Variants in VWA5B1 observed in about 807,000 individuals in gnomAD.
VWA5B1 encodes von Willebrand factor A domain-containing protein 5B1.
VWA5B1 carries 115 observed loss-of-function variants against 118.2 expected under a neutral mutation model. That is an observed-to-expected ratio of 0.97 (90% confidence interval 0.84 to 1.14). VWA5B1 has a LOEUF of 1.14. Among genes scored for constraint, VWA5B1 ranks in the 50% most tolerant of loss-of-function variants. The pLI is 0.00. For missense variants in VWA5B1, 1,596 were observed against 1,603.8 expected (o/e 1.00, Z 0.08); for synonymous variants, 682 against 658.4 (o/e 1.04, Z -0.55).
intron 19 of VWA5B1, 45 bp from the exon 20 acceptor site, chr1:20,350,812 G>A (rs773640494): frequency 4.9e-5 from 76 of 1,535,420 alleles, no homozygotes; most frequent in Admixed American, 2.5e-4. Flanking sequence ...GCAGTTGGAC[G>A]GGGTCATCTT....
Position 20,337,626 on chromosome 1 carries a change from C to T in VWA5B1, c.1943-20C>T. On this transcript the variant is annotated intron_variant, in intron 13 of 21. Coordinates refer to ENST00000289815, the MANE Select transcript of VWA5B1 (RefSeq NM_001039500.3). ...CCTGCTGTCCCACTCTGATGGTTCC[C>T]CATCACTATCCCTGTCCAGATCTGA... 6.5e-7 allele frequency: 1 copy of T among 1,538,460 alleles called. No homozygotes were observed. The highest frequency in any genetic ancestry group is 8.8e-7 in the Non-Finnish European group (1 of 1,137,756).
At chr1:20,295,869 G>A (rs897131581) in intron 1 of VWA5B1, among the ~76,000 whole-genome samples, 2 of 152,140 alleles carry the variant, frequency 1.3e-5, no homozygotes, top group Non-Finnish European at 2.9e-5. Flanking sequence ...GTTGTAGGTT[G>A]TTTGGTTTGT....
chr1:20,295,205 T>C (rs1382419600), intron 1 of VWA5B1, among the ~76,000 whole-genome samples: 3 of 151,976 alleles, frequency 2.0e-5, no homozygotes, highest in Non-Finnish European at 2.9e-5. Flanking sequence ...GGGAGGAACG[T>C]AAACAAGGGT....
At chr1:20,332,549 T>TAAAATAAAATAAAAA (rs1557427550) in intron 11 of VWA5B1, among the ~76,000 whole-genome samples, 1 of 146,956 alleles carries the variant, frequency 6.8e-6, no homozygotes, top group African/African-American at 2.5e-5. Flanking sequence ...TAAAATAAAA[T>TAAAATAAAATAAAAA]GCTAAGCTTA....
rs61743984 is a variant in VWA5B1, at chr1:20,312,852, C to T, written c.156C>T (p.Pro52=). The change falls in exon 3 of 22, where the codon CCC becomes CCT. Residue 52 remains proline (P), a synonymous_variant. Coordinates refer to ENST00000289815, the MANE Select transcript of VWA5B1 (RefSeq NM_001039500.3). ...AQPFQGLFVY[P]LDECTTVIGF... is the part of the protein sequence containing the mutation. ...CTCCGACAGGCCTCTTCGTGTACCC[C>T]CTGGATGAGTGCACCACGGTGATCG... 1.3e-6 allele frequency: 2 copies of T among 1,551,080 alleles called. No homozygotes were observed. Among genetic ancestry groups the T allele is most frequent in the Non-Finnish European group, 1.7e-6 (2 of 1,146,682 alleles).
chr1:20,343,226 G>T lies in VWA5B1; in HGVS notation c.2459G>T (p.Ser820Ile), dbSNP rs1311731131. The T allele has an allele frequency of 6.5e-7, 1 of 1,549,420 alleles. No individual in the cohort carries two copies. The highest frequency in any genetic ancestry group is 2.4e-5 in the East Asian group (1 of 40,870). Reference protein sequence around the residue: ...GKALVKGLHDSQRLQWEVSFE... With the variant: ...GKALVKGLHDIQRLQWEVSFE... Reference sequence around the variant, plus strand: ...GCCCTGGTCAAAGGCCTGCACGACAGCCAACGCCTGCAGTGGGAGGTGAGC... The same window carrying T: ...GCCCTGGTCAAAGGCCTGCACGACATCCAACGCCTGCAGTGGGAGGTGAGC... The change falls in exon 16 of 22, where the codon AGC (serine) becomes ATC (isoleucine). Residue 820 changes from serine to isoleucine, a missense_variant. By Grantham distance (142) the Ser-to-Ile change is moderately radical (BLOSUM62 -2). Transcript: ENST00000289815.
rs371361331 is a variant in VWA5B1, at chr1:20,323,404, G to A, written c.1015G>A (p.Val339Ile). 2.7e-5 allele frequency: 41 copies of A among 1,527,746 alleles called. No individual in the cohort carries two copies. Among genetic ancestry groups the A allele is most frequent in the Non-Finnish European group, 3.6e-5 (41 of 1,136,470 alleles). 94.6% of individuals were successfully genotyped at this position (1,527,746 alleles called of 1,614,324 possible). Reference protein sequence around the residue: ...RLHKDIPHHSVIMLNFCPDLQ... With the variant: ...RLHKDIPHHSIIMLNFCPDLQ... ...CCACAAAGACATTCCCCACCACTCC[G>A]TCATCATGCTCAACTTCTGTCCCGA... Residue 339 changes from valine to isoleucine, a missense_variant, in exon 8 of 22, where the codon GTC becomes ATC. Physicochemically the swap from Val to Ile is conservative, Grantham distance 29. Coordinates refer to ENST00000289815, the MANE Select transcript of VWA5B1 (RefSeq NM_001039500.3).
chr1:20,330,447 C>G, intron 10 of VWA5B1, 65 bp downstream of exon 10: 1 of 1,529,094 alleles, frequency 6.5e-7, no homozygotes, highest in Non-Finnish European at 8.9e-7. Context: ...CGCCAGAGCC[C>G]AAGGGCAATG....
intron 8 of VWA5B1, among the ~76,000 whole-genome samples, chr1:20,324,900 T>C (rs1056093825): frequency 1.3e-5 from 2 of 152,192 alleles, no homozygotes; most frequent in African/African-American, 2.4e-5. Context: ...GAGGCAAACA[T>C]TGGAATGAGA....
intron 18 of VWA5B1, 29 bp from the exon 19 acceptor site, chr1:20,350,127 G>A (rs980664480): frequency 1.9e-6 from 3 of 1,549,256 alleles, no homozygotes; most frequent in African/African-American, 2.7e-5. Context: ...GAGGGGAGAG[G>A]TCCAGCCTCA....
chr1:20,346,909 C>A (rs538351789), intron 17 of VWA5B1, among the ~76,000 whole-genome samples: 1 of 152,304 alleles, frequency 6.6e-6, no homozygotes, highest in South Asian at 2.1e-4. Flanking sequence ...AAGTGATCAA[C>A]CCTTCTCAAC....
At chr1:20,349,681 TA>T (rs1200526446) in intron 18 of VWA5B1, among the ~76,000 whole-genome samples, 2 of 149,806 alleles carry the variant, frequency 1.3e-5, no homozygotes, top group Non-Finnish European at 3.0e-5. Flanking sequence ...CATGCCTGGC[TA>T]CAAATCCCTC....
chr1:20,295,588 C>T (rs1396821180), intron 1 of VWA5B1, among the ~76,000 whole-genome samples: 1 of 152,138 alleles, frequency 6.6e-6, no homozygotes, highest in African/African-American at 2.4e-5. Flanking sequence ...CTCCCTATTC[C>T]CATGACCACA....
chr1:20,305,717 C>T (rs1363262783), intron 1 of VWA5B1, among the ~76,000 whole-genome samples: 1 of 151,962 alleles, frequency 6.6e-6, no homozygotes, highest in African/African-American at 2.4e-5. Context: ...TACAGAGCTT[C>T]CCCCATGGTT....
chr1:20,341,080 T>C (rs1405860142), intron 14 of VWA5B1, among the ~76,000 whole-genome samples: 1 of 152,248 alleles, frequency 6.6e-6, no homozygotes, highest in Non-Finnish European at 1.5e-5. Flanking sequence ...TTTTTTAAAA[T>C]AAGTTTTATC....
intron 7 of VWA5B1, among the ~76,000 whole-genome samples, chr1:20,321,621 A>G (rs2089220415): frequency 6.6e-6 from 1 of 152,098 alleles, no homozygotes; most frequent in South Asian, 2.1e-4. Flanking sequence ...AATGAGCCAG[A>G]TCTGTTTGGA....
intron 9 of VWA5B1, 52 bp downstream of exon 9, chr1:20,328,052 G>C: frequency 6.7e-7 from 1 of 1,502,980 alleles, no homozygotes; most frequent in Non-Finnish European, 9.1e-7. Context: ...GTGGGGAGCA[G>C]AGGAAAGGAG....
At position 20,356,331 on chromosome 1, in the gene VWA5B1, T is replaced by C. The variant is rs1570251462; in HGVS notation, c.*2068T>C. On this transcript the variant is annotated 3_prime_UTR_variant, in exon 22 of 22. Transcript: ENST00000289815. ...CTGGGGCTTTCTCCTGCTCTGACAG[T>C]CCCAGACTCTCTGCCTCTGAGATGT... Among the ~76,000 whole-genome samples, 1 of 152,230 alleles carries C rather than the reference T, an allele frequency of 6.6e-6. No homozygotes were observed. Among genetic ancestry groups the C allele is most frequent in the East Asian group, 1.9e-4 (1 of 5,204 alleles).
chr1:20,322,481 G>A (rs1439432873), intron 7 of VWA5B1, among the ~76,000 whole-genome samples: 1 of 152,208 alleles, frequency 6.6e-6, no homozygotes, highest in African/African-American at 2.4e-5. Context: ...AAACACCAAG[G>A]CCCTGTCCCT....
Sources: allele counts gnomAD v4.1 joint callset (sites outside exome capture counted in the v4.1 genomes callset), GRCh38; gene constraint gnomAD v4.1.1; transcripts MANE v1.5; gene names NCBI Gene and HGNC (gene_info 2026-07-23, HGNC 2026-07-21).